GABRB2: variants seen among roughly 807,000 people sequenced by gnomAD.
GABRB2 encodes the protein gamma-aminobutyric acid receptor subunit beta-2.
Under a neutral mutation model 54.7 loss-of-function variants are expected in GABRB2, and 16 were observed. The observed-to-expected ratio is 0.29, with a 90% CI of 0.20 to 0.44. The LOEUF (loss-of-function observed/expected upper bound fraction) is 0.44. Among genes scored for constraint, GABRB2 ranks in the 20% least tolerant of loss-of-function variants. GABRB2 has a pLI of 1.00. For missense variants in GABRB2, 355 were observed against 644.0 expected, an observed-to-expected ratio of 0.55 and a Z score of 4.86; for synonymous variants, 244 against 233.8, an observed-to-expected ratio of 1.04 and a Z score of -0.40.
At chr5:161,417,422 A>G (rs1756710273) in intron 4 of GABRB2, among the ~76,000 whole-genome samples, 1 of 152,190 alleles carries the variant, frequency 6.6e-6, no homozygotes, top group Non-Finnish European at 1.5e-5. Flanking sequence ...CCCAAGAGTC[A>G]CACGGTGAGT....
At chr5:161,469,639 T>G (rs1409553628) in intron 3 of GABRB2, among the ~76,000 whole-genome samples, 2 of 151,670 alleles carry the variant, frequency 1.3e-5, no homozygotes, top group Non-Finnish European at 2.9e-5. Context: ...ATCTGCTTCA[T>G]GTCTAATACT....
At chr5:161,512,731 TA>T (rs1422447738) in intron 3 of GABRB2, among the ~76,000 whole-genome samples, 34 of 152,014 alleles carry the variant, frequency 2.2e-4, no homozygotes, top group Admixed American at 2.0e-3. Flanking sequence ...CTAATTGAAC[TA>T]AAGAGCGTCT....
intron 9 of GABRB2, among the ~76,000 whole-genome samples, chr5:161,298,554 G>A (rs1169163892): frequency 1.3e-5 from 2 of 152,132 alleles, no homozygotes; most frequent in South Asian, 2.1e-4. Context: ...ACCTCTTTGT[G>A]AGTCATCAAT....
chr5:161,448,420 A>T (rs79058666), intron 4 of GABRB2, among the ~76,000 whole-genome samples: 9,426 of 152,174 alleles, frequency 0.062, 326 homozygotes, highest in Middle Eastern at 0.095. Flanking sequence ...TATCTAAAAA[A>T]ACTGAGTTTC....
chr5:161,475,623 G>T (rs928220893), intron 3 of GABRB2, among the ~76,000 whole-genome samples: 1 of 151,806 alleles, frequency 6.6e-6, no homozygotes, highest in East Asian at 1.9e-4. Context: ...ATAACAAGTA[G>T]AATTTATTCC....
At chr5:161,429,834 A>T (rs905948678) in intron 4 of GABRB2, among the ~76,000 whole-genome samples, 2 of 152,148 alleles carry the variant, frequency 1.3e-5, no homozygotes, top group Non-Finnish European at 1.5e-5. Flanking sequence ...ATAAGACAAA[A>T]GGGAATGGTG....
At chr5:161,365,617 A>G (rs1483129450) in intron 5 of GABRB2, among the ~76,000 whole-genome samples, 1 of 152,198 alleles carries the variant, frequency 6.6e-6, no homozygotes, top group East Asian at 1.9e-4. Context: ...TAACCCTATT[A>G]GAAAAACATA....
At chr5:161,355,510 G>A (rs1396566463) in intron 5 of GABRB2, among the ~76,000 whole-genome samples, 1 of 151,356 alleles carries the variant, frequency 6.6e-6, no homozygotes, top group Non-Finnish European at 1.5e-5. Context: ...AAATGTCATA[G>A]GCATTGCATA....
intron 3 of GABRB2, among the ~76,000 whole-genome samples, chr5:161,523,371 G>A (rs147784229): frequency 7.9e-5 from 12 of 151,510 alleles, no homozygotes; most frequent in East Asian, 3.9e-4. Flanking sequence ...CTAAAAATCC[G>A]ACTGTGTTAC....
intron 5 of GABRB2, among the ~76,000 whole-genome samples, chr5:161,338,146 C>T (rs566110602): frequency 1.3e-5 from 2 of 152,136 alleles, no homozygotes; most frequent in Admixed American, 1.3e-4. Flanking sequence ...AGGATACCTT[C>T]AATTGGAGAA....
intron 3 of GABRB2, among the ~76,000 whole-genome samples, chr5:161,492,034 T>C (rs1759102843): frequency 6.6e-6 from 1 of 151,572 alleles, no homozygotes; most frequent in Non-Finnish European, 1.5e-5. Context: ...AATGTACCCA[T>C]TACTGAAAAA....
At chr5:161,453,449 G>A (rs1307646042) in intron 4 of GABRB2, among the ~76,000 whole-genome samples, 1 of 152,072 alleles carries the variant, frequency 6.6e-6, no homozygotes, top group Non-Finnish European at 1.5e-5. Flanking sequence ...GGATCTAATG[G>A]GATTAGTGCC....
chr5:161,423,503 T>C (rs1436779909), intron 4 of GABRB2, among the ~76,000 whole-genome samples: 2 of 152,188 alleles, frequency 1.3e-5, no homozygotes, highest in Admixed American at 6.6e-5. Flanking sequence ...TTTTATTATG[T>C]CTGTCACAGT....
At chr5:161,538,589 A>G (rs55991637) in intron 3 of GABRB2, among the ~76,000 whole-genome samples, 42,050 of 152,174 alleles carry the variant, frequency 0.28, 6,284 homozygotes, top group Admixed American at 0.39. Context: ...CTGGGAGGCC[A>G]AGGGTGGGGA....
chr5:161,495,280 C>A (rs1195777582), intron 3 of GABRB2, among the ~76,000 whole-genome samples: 2 of 151,774 alleles, frequency 1.3e-5, no homozygotes, highest in Non-Finnish European at 2.9e-5. Flanking sequence ...TTTATAATAT[C>A]TAGTTATTTG....
intron 3 of GABRB2, among the ~76,000 whole-genome samples, chr5:161,465,025 G>C (rs978879414): frequency 6.6e-6 from 1 of 151,990 alleles, no homozygotes; most frequent in South Asian, 2.1e-4. Context: ...ACCAAAGCGA[G>C]TGCATTTTTC....
intron 5 of GABRB2, among the ~76,000 whole-genome samples, chr5:161,339,761 C>T (rs1754099883): frequency 6.6e-6 from 1 of 151,906 alleles, no homozygotes; most frequent in Non-Finnish European, 1.5e-5. Flanking sequence ...TTACTTTTGT[C>T]TTTATCTCAT....
At chr5:161,407,910 A>G (rs1714278904) in intron 5 of GABRB2, among the ~76,000 whole-genome samples, 1 of 152,044 alleles carries the variant, frequency 6.6e-6, no homozygotes, top group South Asian at 2.1e-4. Context: ...CAAGAATTCT[A>G]TGAAACACCC....
chr5:161,440,062 C>CAAAAAAA (rs61152845), intron 4 of GABRB2, among the ~76,000 whole-genome samples: 51 of 77,058 alleles, frequency 6.6e-4, no homozygotes, highest in Admixed American at 1.0e-3. Flanking sequence ...AACCTCAAAC[C>CAAAAAAA]AAAAAAAAAA....
Sources: allele counts gnomAD v4.1 joint callset (sites outside exome capture counted in the v4.1 genomes callset), GRCh38; gene constraint gnomAD v4.1.1; transcripts MANE v1.5; gene names NCBI Gene and HGNC (gene_info 2026-07-23, HGNC 2026-07-21).